Variants in SHROOM2 observed in about 807,000 individuals in gnomAD.
SHROOM2 encodes shroom family member 2, also known as protein Shroom2.
Under a neutral mutation model 75.9 loss-of-function variants are expected in SHROOM2, and 33 were observed. The observed-to-expected ratio is 0.43, with a 90% CI of 0.33 to 0.58. The LOEUF (loss-of-function observed/expected upper bound fraction) is 0.58. Among genes scored for constraint, SHROOM2 ranks in the 20% least tolerant of loss-of-function variants. The pLI is 0.04. For synonymous variants in SHROOM2, 655 were observed against 663.6 expected, an observed-to-expected ratio of 0.99 and a Z score of 0.20; for missense variants, 1,434 against 1,461.2, an observed-to-expected ratio of 0.98 and a Z score of 0.30.
chrX:9,793,007 G>T (rs1393326673), intron 1 of SHROOM2, among the ~76,000 whole-genome samples: 1 of 111,496 alleles, frequency 9.0e-6, no homozygotes, highest in African/African-American at 3.3e-5. Context: ...ATCGTGACAC[G>T]CTAGGAGTGT....
chrX:9,889,926 G>A lies in SHROOM2; in HGVS notation c.318-1051G>A, dbSNP rs765749404. Among the ~76,000 whole-genome samples, 3 of 112,800 alleles carry A rather than the reference G, an allele frequency of 2.7e-5. No individual in the cohort carries two copies. The South Asian group carries it at 1.1e-3, about 41-fold the overall frequency. On this transcript the variant is annotated intron_variant, in intron 2 of 9. Transcript: ENST00000380913. ...TTTTCTCCAGCAAAAGATAGGAGATGCTGTTTGTGTTCATACTGGGGCAGG... is the reference window on the plus strand; with the variant it reads ...TTTTCTCCAGCAAAAGATAGGAGATACTGTTTGTGTTCATACTGGGGCAGG...
chrX:9,907,859 CAG>C (rs2084400029), intron 5 of SHROOM2, among the ~76,000 whole-genome samples: 1 of 111,771 alleles, frequency 8.9e-6, no homozygotes, highest in Non-Finnish European at 1.9e-5. Context: ...TCTATAATGG[CAG>C]AGAGTTGAGT....
At chrX:9,879,041 G>A (rs991862761) in intron 2 of SHROOM2, among the ~76,000 whole-genome samples, 2 of 110,512 alleles carry the variant, frequency 1.8e-5, no homozygotes, top group African/African-American at 6.6e-5. Flanking sequence ...GTGAAGGAAA[G>A]AAAGGAGAGA....
intron 2 of SHROOM2, among the ~76,000 whole-genome samples, chrX:9,884,949 C>T (rs1190619763): frequency 8.9e-6 from 1 of 111,734 alleles, no homozygotes; most frequent in East Asian, 2.8e-4. Context: ...GTGGCTCATG[C>T]CTGTAATCCC....
chrX:9,802,034 A>G (rs2065515258), intron 1 of SHROOM2, among the ~76,000 whole-genome samples: 1 of 111,573 alleles, frequency 9.0e-6, no homozygotes, highest in African/African-American at 3.2e-5. Flanking sequence ...GTAGCTCCTA[A>G]CCAATTTGAA....
chrX:9,845,665 C>T (rs1007592568), intron 1 of SHROOM2, among the ~76,000 whole-genome samples: 2 of 110,739 alleles, frequency 1.8e-5, no homozygotes, highest in Non-Finnish European at 3.8e-5. Flanking sequence ...CCAGCCCACA[C>T]TGGCTCCCGT....
At chrX:9,827,541 G>T (rs2083894472) in intron 1 of SHROOM2, among the ~76,000 whole-genome samples, 1 of 109,931 alleles carries the variant, frequency 9.1e-6, no homozygotes, top group East Asian at 2.9e-4. Flanking sequence ...GTTCTCTTTG[G>T]TTTGAGGCGA....
intron 1 of SHROOM2, among the ~76,000 whole-genome samples, chrX:9,848,506 G>T (rs1254185349): frequency 1.2e-4 from 1 of 8,242 alleles, no homozygotes; most frequent in South Asian, 1.5e-3. Context: ...GCGAGACTCC[G>T]TCTCAAAAAA....
intron 1 of SHROOM2, among the ~76,000 whole-genome samples, chrX:9,860,120 A>C (rs2084095424): frequency 9.0e-6 from 1 of 111,462 alleles, no homozygotes; most frequent in African/African-American, 3.3e-5. Flanking sequence ...ATTGGTCACA[A>C]CTCGGGGCAG....
At chrX:9,844,866 A>C (rs1442816807) in intron 1 of SHROOM2, among the ~76,000 whole-genome samples, 5 of 111,617 alleles carry the variant, frequency 4.5e-5, no homozygotes, top group Non-Finnish European at 5.6e-5. Context: ...TAGATTTCAA[A>C]ATAGTGTTTG....
chrX:9,891,049 G>A lies in SHROOM2; in HGVS notation c.390G>A (p.Ala130=), dbSNP rs200350857. 39 of 1,201,153 alleles carry A rather than the reference G, an allele frequency of 3.2e-5. No homozygotes were observed. The highest frequency in any genetic ancestry group is 1.1e-4 in the South Asian group (6 of 55,069). ...TCTCTGACAGCCACCCCGAGCTAGC[G>A]GCCTCCCCATTCACCTCCACCAGCG... ...TKFSDSHPEL[A]ASPFTSTSGC... The change falls in exon 3 of 10, where the codon GCG becomes GCA. Residue 130 remains alanine, a synonymous_variant. Coordinates refer to ENST00000380913, the MANE Select transcript of SHROOM2 (RefSeq NM_001649.4).
intron 2 of SHROOM2, among the ~76,000 whole-genome samples, chrX:9,888,816 T>C (rs2147010423): frequency 8.9e-6 from 1 of 112,310 alleles, no homozygotes; most frequent in Admixed American, 9.4e-5. Context: ...TGATAGTTTA[T>C]CTGGGAGAAC....
At chrX:9,888,172 G>A (rs1454610260) in intron 2 of SHROOM2, among the ~76,000 whole-genome samples, 1 of 112,761 alleles carries the variant, frequency 8.9e-6, no homozygotes, top group Non-Finnish European at 1.9e-5. Context: ...GGCCTTCCGC[G>A]GGGCTGGCTT....
chrX:9,921,893 A>AAATAGTTCACACAAGTGAACTATTCAC (rs1196265166), intron 5 of SHROOM2, among the ~76,000 whole-genome samples: 4 of 111,946 alleles, frequency 3.6e-5, no homozygotes, highest in African/African-American at 9.8e-5. Context: ...TTCACAATAT[A>AAATAGTTCACACAAGTGAACTATTCAC]AATAGTTCAC....
chrX:9,897,500 C>G (rs1030812161), intron 4 of SHROOM2, among the ~76,000 whole-genome samples: 6 of 105,012 alleles, frequency 5.7e-5, no homozygotes, highest in Non-Finnish European at 9.7e-5. Flanking sequence ...AGGATGATCA[C>G]TTGAGGCCAG....
intron 1 of SHROOM2, among the ~76,000 whole-genome samples, chrX:9,859,089 C>T (rs1482764108): frequency 9.0e-6 from 1 of 111,124 alleles, no homozygotes; most frequent in African/African-American, 3.3e-5. Flanking sequence ...TGGCAAGCAT[C>T]TGTAATCTCA....
Position 9,895,185 on chromosome X carries a change from G to A in SHROOM2, c.1277G>A (p.Gly426Asp), listed in dbSNP as rs1480405538. ...DVRFPQSPHSGRHPPLYSDHS... is the reference protein window; with the variant it reads ...DVRFPQSPHSDRHPPLYSDHS... ...CGCTTCCCTCAGTCTCCTCATAGCGGCCGACACCCTCCCCTATACAGCGAC... is the reference window on the plus strand; with the variant it reads ...CGCTTCCCTCAGTCTCCTCATAGCGACCGACACCCTCCCCTATACAGCGAC... Residue 426 changes from glycine to aspartate, a missense_variant, in exon 4 of 10, where the codon GGC (glycine) becomes GAC (aspartate). Around this residue, in one of 3 missense-constraint regions of SHROOM2, gnomAD observed 1,340 missense variants for 1,338.3 expected, o/e 1.00. Transcript: ENST00000380913. 1 of 1,210,216 alleles carries A rather than the reference G, an allele frequency of 8.3e-7. No individual in the cohort carries two copies. The highest frequency in any genetic ancestry group is 3.0e-5 in the East Asian group (1 of 33,725).
rs1344043750 is a variant in SHROOM2 at position 9,932,602 on chromosome X, G to C, written c.3319G>C (p.Ala1107Pro). The change falls in exon 6 of 10, where the codon GCC (alanine) becomes CCC (proline). Residue 1107 changes from alanine to proline, a missense_variant. Physicochemically the swap from Ala to Pro is conservative, Grantham distance 27. Coordinates refer to ENST00000380913, the MANE Select transcript of SHROOM2 (RefSeq NM_001649.4). ...CCCTGCGTCCCTGGATGTGTATGTG[G>C]CCCGCCTGTCCCTCTCCCACAGCCC... ...PSPASLDVYV[A>P]RLSLSHSPSV... is the part of the protein sequence containing the mutation. 1.7e-6 allele frequency: 2 copies of C among 1,211,364 alleles called. No individual in the cohort carries two copies. The highest frequency in any genetic ancestry group is 2.2e-5 in the Admixed American group (1 of 46,075).
chrX:9,939,542 G>C (rs1010836425), intron 8 of SHROOM2, among the ~76,000 whole-genome samples, 176 bp downstream of exon 8: 1 of 112,570 alleles, frequency 8.9e-6, no homozygotes. Flanking sequence ...TCTGTTGTTA[G>C]TTCTATGTCC....
Sources: gnomAD v4.1 joint callset for allele counts (sites outside exome capture counted in the v4.1 genomes callset) on GRCh38, gnomAD v4.1.1 for gene constraint, gnomAD v4.1.1 regional missense constraint, MANE v1.5 for transcripts, NCBI Gene and HGNC (gene_info 2026-07-23, HGNC 2026-07-21) for gene names.